The following DAPK2 variants were observed in gnomAD, a reference collection of about 807,000 sequenced individuals.
DAPK2 encodes death-associated protein kinase 2.
In DAPK2, 35 loss-of-function variants were observed where a neutral mutation model predicts 44.1. The ratio of observed to expected loss-of-function variants is 0.79; its 90% confidence interval spans 0.61 to 1.05. The LOEUF is 1.05. Ranked by LOEUF, DAPK2 falls within the 50% of genes least tolerant of loss-of-function variation. DAPK2 has a pLI of 0.00. For missense variants in DAPK2, 453 were observed against 483.2 expected (o/e 0.94, Z 0.59); for synonymous variants, 174 against 182.6 (o/e 0.95, Z 0.38).
chr15:63,952,583 A>T (rs1226910094), intron 3 of DAPK2, among the ~76,000 whole-genome samples: 1 of 152,138 alleles, frequency 6.6e-6, no homozygotes, highest in African/African-American at 2.4e-5. Context: ...GAGTGGGTTC[A>T]TTCACCCTAT....
At chr15:63,986,169 C>T (rs1291738145) in intron 1 of DAPK2, among the ~76,000 whole-genome samples, 11 of 152,222 alleles carry the variant, frequency 7.2e-5, no homozygotes, top group Admixed American at 7.2e-4. Flanking sequence ...CACCCTCCAC[C>T]AGACCCAGCC....
chr15:63,993,803 T>A (rs1485221401), intron 1 of DAPK2, among the ~76,000 whole-genome samples: 1 of 152,166 alleles, frequency 6.6e-6, no homozygotes, highest in African/African-American at 2.4e-5. Flanking sequence ...TTTCAGGTCC[T>A]CATGCCAATC....
rs2079154300 is a variant in DAPK2, at chr15:63,923,662, G to A, written c.858+1154C>T. Among the ~76,000 whole-genome samples the A allele has an allele frequency of 6.6e-6, 1 of 152,250 alleles. No homozygotes were observed. Among genetic ancestry groups the A allele is most frequent in the South Asian group, 2.1e-4 (1 of 4,832 alleles). ...ACTCCGCAGGCATCTGCGCAGGGCT[G>A]GAGCACGCAAGGCCAGGGCTCACGC... On this transcript the variant is annotated intron_variant, in intron 8 of 10. Coordinates refer to ENST00000261891, the Ensembl canonical transcript of DAPK2. This position sits in a 1 kb window ranked among gnomAD's most constrained non-coding sequence, Gnocchi z 4.2.
chr15:63,926,232 G>T (rs557817589), intron 6 of DAPK2, 139 bp from the exon 8 acceptor site: 183 of 868,024 alleles, frequency 2.1e-4, no homozygotes, highest in Non-Finnish European at 2.9e-4. Context: ...CCTCTGGGCA[G>T]CCAACCAGCA....
chr15:63,911,321 C>A (rs1359852296), intron 10 of DAPK2: 2 of 151,684 alleles, frequency 1.3e-5, no homozygotes, highest in African/African-American at 4.9e-5. Flanking sequence ...AAATGATGAA[C>A]TATCAGCACA....
intron 8 of DAPK2, chr15:63,919,960 A>G (rs2079027661): frequency 6.6e-6 from 1 of 152,242 alleles, no homozygotes; most frequent in African/African-American, 2.4e-5. Flanking sequence ...GTGACAGGGC[A>G]GGTAAGACCT....
chr15:64,023,711 TG>T (rs1267322554), intron 1 of DAPK2, among the ~76,000 whole-genome samples: 5 of 152,208 alleles, frequency 3.3e-5, no homozygotes, highest in African/African-American at 7.2e-5. Context: ...TGATGACCAC[TG>T]GGCCTTTAAG....
At chr15:63,913,642 T>G (rs2078853751) in intron 8 of DAPK2, among the ~76,000 whole-genome samples, 2 of 152,260 alleles carry the variant, frequency 1.3e-5, no homozygotes, top group South Asian at 4.2e-4. Context: ...CCACGCTTGA[T>G]TTTTCATCAT....
At chr15:63,922,252 A>C in intron 8 of DAPK2, 3 of 986,588 alleles carry the variant, frequency 3.0e-6, no homozygotes, top group Non-Finnish European at 3.6e-6. Context: ...ATCAATGCAA[A>C]CGAAAGGCAA....
At chr15:63,983,631 C>T (rs772442275) in exon 2 of DAPK2, 12 of 1,614,046 alleles carry the variant, frequency 7.4e-6, no homozygotes, top group Middle Eastern at 1.6e-4. Flanking sequence ...TCACCTCCCG[C>T]TCGATCTCCT....
chr15:63,949,604 G>A (rs1263940924), intron 3 of DAPK2, among the ~76,000 whole-genome samples: 2 of 152,124 alleles, frequency 1.3e-5, no homozygotes, highest in South Asian at 2.1e-4. Context: ...ATTGCCTATC[G>A]GAATTCCCAA....
At chr15:64,040,039 T>A in intron 1 of DAPK2, 131 bp downstream of exon 2, 3 of 685,512 alleles carry the variant, frequency 4.4e-6, no homozygotes, top group Non-Finnish European at 7.8e-6. Context: ...AGGTGAATAA[T>A]CCTCAGGCTC....
At chr15:64,032,126 T>C (rs1242478384) in intron 1 of DAPK2, among the ~76,000 whole-genome samples, 1 of 152,138 alleles carries the variant, frequency 6.6e-6, no homozygotes, top group African/African-American at 2.4e-5. Context: ...TAAAAGCTGA[T>C]GTACACAGGA....
chr15:63,960,097 C>T (rs907652297), intron 3 of DAPK2, among the ~76,000 whole-genome samples: 28 of 152,130 alleles, frequency 1.8e-4, no homozygotes, highest in African/African-American at 6.8e-4. Context: ...GTGTATGTGT[C>T]CAGGAATTTA....
Position 63,923,219 on chromosome 15 carries a change from T to C in DAPK2, c.858+1597A>G, listed in dbSNP as rs978517453. The C allele has an allele frequency of 2.0e-6, 3 of 1,535,750 alleles. No individual in the cohort carries two copies. The highest frequency in any genetic ancestry group is 2.4e-5 in the East Asian group (1 of 40,914). On this transcript the variant is annotated intron_variant, in intron 8 of 10. Coordinates refer to ENST00000261891, the Ensembl canonical transcript of DAPK2. The surrounding 1 kb of genome is among the most constrained non-coding windows in gnomAD (Gnocchi z 4.2). ...CACCACACAGGCAAAACGCTCGAAG[T>C]TGACATAGGAGTTGTTGGGAGGCAT...
At chr15:63,961,962 C>T (rs1314994206) in intron 3 of DAPK2, among the ~76,000 whole-genome samples, 9 of 152,196 alleles carry the variant, frequency 5.9e-5, no homozygotes, top group South Asian at 2.1e-4. Flanking sequence ...CCACTCTCCC[C>T]GTCACTTTCA....
intron 1 of DAPK2, among the ~76,000 whole-genome samples, chr15:64,033,465 G>C (rs905179396): frequency 6.6e-6 from 1 of 152,006 alleles, no homozygotes; most frequent in African/African-American, 2.4e-5. Flanking sequence ...CCCAAAATAA[G>C]TCTCACAGAT....
chr15:64,006,895 C>T (rs140429757), intron 1 of DAPK2, among the ~76,000 whole-genome samples: 71 of 152,252 alleles, frequency 4.7e-4, no homozygotes, highest in Non-Finnish European at 8.5e-4. Context: ...AGGAAGTAGA[C>T]ATTATTCTTC....
chr15:63,974,383 G>A (rs2078291523), intron 2 of DAPK2, among the ~76,000 whole-genome samples: 1 of 152,222 alleles, frequency 6.6e-6, no homozygotes, highest in African/African-American at 2.4e-5. Context: ...GGGGACAGAA[G>A]TTACAGGCAG....
Sources: gnomAD v4.1 joint callset for allele counts (sites outside exome capture counted in the v4.1 genomes callset) on GRCh38, gnomAD v4.1.1 for gene constraint, Gnocchi (gnomAD v3.1) non-coding constraint, MANE v1.5 for transcripts, NCBI Gene and HGNC (gene_info 2026-07-23, HGNC 2026-07-21) for gene names.